Variants in PTPRF observed in about 807,000 individuals in gnomAD.
PTPRF encodes protein tyrosine phosphatase receptor type F, also known as receptor-type tyrosine-protein phosphatase F.
PTPRF carries 59 observed loss-of-function variants against 201.8 expected under a neutral mutation model. That is an observed-to-expected ratio of 0.29 (90% CI 0.24 to 0.36). The LOEUF (loss-of-function observed/expected upper bound fraction) is 0.36. Among genes scored for constraint, PTPRF ranks in the 10% least tolerant of loss-of-function variants. PTPRF has a pLI of 1.00. For missense variants in PTPRF, 2,132 were observed against 2,690.5 expected (o/e 0.79, Z 4.59); for synonymous variants, 1,088 against 1,089.7 (o/e 1.00, Z 0.03).
At chr1:43,571,257 G>A (rs1347191013) in intron 6 of PTPRF, among the ~76,000 whole-genome samples, 2 of 151,880 alleles carry the variant, frequency 1.3e-5, no homozygotes, top group East Asian at 1.9e-4. Context: ...TGTCTCTTGC[G>A]ACTTCCCTCT....
chr1:43,619,012 T>C (rs536832503), intron 26 of PTPRF, 36 bp from the exon 27 acceptor site: 3 of 1,601,630 alleles, frequency 1.9e-6, no homozygotes, highest in East Asian at 2.2e-5. Flanking sequence ...GCAGGTAGGC[T>C]CCTAGTCGCC....
intron 17 of PTPRF, 31 bp downstream of exon 17, chr1:43,605,031 GCACA>G (rs756298919): frequency 2.6e-5 from 42 of 1,603,452 alleles, no homozygotes; most frequent in Admixed American, 5.0e-5. Context: ...GCTGAGCCTG[GCACA>G]CACACAGGCC....
chr1:43,589,585 G>A (rs746509740), intron 8 of PTPRF, among the ~76,000 whole-genome samples: 1 of 151,842 alleles, frequency 6.6e-6, no homozygotes, highest in Non-Finnish European at 1.5e-5. Flanking sequence ...GGCCAGGCAC[G>A]GTGGCTCATT....
Position 43,620,549 on chromosome 1 carries a change from C to T in PTPRF, c.5334C>T (p.Ile1778=). 1.2e-6 allele frequency: 2 copies of T among 1,614,132 alleles called. No individual in the cohort carries two copies. Among genetic ancestry groups the T allele is most frequent in the Non-Finnish European group, 1.7e-6 (2 of 1,179,982 alleles). The part of the protein sequence containing the change: ...PMAEYNMPQY[I]LREFKVTDAR... ...CTGAGTACAACATGCCCCAGTATAT[C>T]CTGCGTGAGTTCAAGGTCACGGATG... Residue 1778 remains isoleucine (I), a synonymous_variant, in exon 31 of 34, where the codon ATC becomes ATT. Coordinates refer to ENST00000359947, the MANE Select transcript of PTPRF (RefSeq NM_002840.5).
chr1:43,535,732 C>T (rs969484477), intron 1 of PTPRF, among the ~76,000 whole-genome samples: 2 of 152,202 alleles, frequency 1.3e-5, no homozygotes, highest in Non-Finnish European at 2.9e-5. Context: ...GTGGACTTCA[C>T]CCCTTCTGAG....
chr1:43,605,750 C>G (rs1173053942), intron 19 of PTPRF, 128 bp downstream of exon 19: 1 of 886,550 alleles, frequency 1.1e-6, no homozygotes, highest in Non-Finnish European at 1.8e-6. Context: ...TTCTGGCTGG[C>G]AGCCCGCCCC....
At position 43,617,748 on chromosome 1, in the gene PTPRF, G is replaced by A; in HGVS notation, c.4208G>A (p.Ser1403Asn). 1 of 1,613,616 alleles carries A rather than the reference G, an allele frequency of 6.2e-7. No individual in the cohort carries two copies. Among genetic ancestry groups the A allele is most frequent in the South Asian group, 1.1e-5 (1 of 91,074 alleles). ...ILTSIDGVPG[S>N]DYINANYIDG... is the part of the protein sequence containing the mutation. ...TTCTTATCCATAGGCGTCCCCGGGAGTGACTACATCAATGCCAACTACATC... is the reference window on the plus strand; with the variant it reads ...TTCTTATCCATAGGCGTCCCCGGGAATGACTACATCAATGCCAACTACATC... The change falls in exon 25 of 34, where the codon AGT (serine) becomes AAT (asparagine). Residue 1403 changes from serine (S) to asparagine (N), a missense_variant. Ser to Asn is a conservative substitution (Grantham distance 46, BLOSUM62 1). This residue lies in a region of PTPRF where 818 missense variants were observed against 915.3 expected (regional missense o/e 0.89). Transcript: ENST00000359947.
intron 5 of PTPRF, among the ~76,000 whole-genome samples, chr1:43,558,360 C>T (rs1339880930): frequency 6.6e-6 from 1 of 152,134 alleles, no homozygotes; most frequent in Non-Finnish European, 1.5e-5. Flanking sequence ...GCTGTGGCTC[C>T]AGGGCCACTC....
In PTPRF at chr1:43,619,699, C is replaced by T. The variant is rs532554718; in HGVS notation, c.4952C>T (p.Ala1651Val). The change falls in exon 29 of 34, where the codon GCC becomes GTC. Residue 1651 changes from alanine (A) to valine (V), a missense_variant. Around this residue, in one of 6 missense-constraint regions of PTPRF, gnomAD observed 519 missense variants for 659.5 expected, o/e 0.79. Transcript: ENST00000359947. ...LEFKLLASSK[A>V]HTSRFISANL... ...CAATAGTTGCTGGCCAGCTCCAAGG[C>T]CCACACGTCCCGCTTCATCAGCGCC... 11 of 1,614,106 alleles carry T rather than the reference C, an allele frequency of 6.8e-6. No homozygotes were observed. The highest frequency in any genetic ancestry group is 1.7e-5 in the Admixed American group (1 of 60,026).
chr1:43,596,095 T>C (rs924362636), intron 11 of PTPRF, among the ~76,000 whole-genome samples: 3 of 151,952 alleles, frequency 2.0e-5, no homozygotes, highest in Non-Finnish European at 4.4e-5. Flanking sequence ...GACCTTGCGA[T>C]ATTGGTGAGA....
At chr1:43,562,103 G>C (rs1031839738) in intron 5 of PTPRF, among the ~76,000 whole-genome samples, 1 of 152,040 alleles carries the variant, frequency 6.6e-6, no homozygotes, top group East Asian at 1.9e-4. Flanking sequence ...GCTTGCTGGG[G>C]AGAGAGGACT....
intron 3 of PTPRF, among the ~76,000 whole-genome samples, chr1:43,551,696 G>C (rs1161642763): frequency 1.3e-5 from 2 of 152,092 alleles, no homozygotes; most frequent in Non-Finnish European, 2.9e-5. Context: ...TCTTAAATGG[G>C]GATAATAATA....
intron 22 of PTPRF, among the ~76,000 whole-genome samples, 185 bp downstream of exon 22, chr1:43,609,683 A>G (rs1433661382): frequency 2.0e-5 from 3 of 152,052 alleles, no homozygotes; most frequent in Non-Finnish European, 4.4e-5. Context: ...GGGAGCCCCC[A>G]TATCCTGCAG....
intron 7 of PTPRF, among the ~76,000 whole-genome samples, chr1:43,587,158 T>C (rs1649366876): frequency 6.6e-6 from 1 of 151,904 alleles, no homozygotes; most frequent in Non-Finnish European, 1.5e-5. Flanking sequence ...TTAGGTAGGG[T>C]CTCTTGGGCT....
intron 3 of PTPRF, among the ~76,000 whole-genome samples, chr1:43,550,321 C>T (rs1367687439): frequency 6.6e-6 from 1 of 152,164 alleles, no homozygotes; most frequent in Non-Finnish European, 1.5e-5. Flanking sequence ...CCGGCGTCTC[C>T]TCTCCGCTTC....
At chr1:43,615,116 G>A (rs892081407) in intron 23 of PTPRF, among the ~76,000 whole-genome samples, 1 of 152,168 alleles carries the variant, frequency 6.6e-6, no homozygotes, top group African/African-American at 2.4e-5. Flanking sequence ...GCATCCTAGG[G>A]CTCAAAGATT....
chr1:43,571,434 G>A (rs1367134051), intron 6 of PTPRF, among the ~76,000 whole-genome samples: 1 of 152,084 alleles, frequency 6.6e-6, no homozygotes, highest in Admixed American at 6.5e-5. Flanking sequence ...CCTCTTACCT[G>A]AGCTCTAGAT....
At chr1:43,583,807 C>T (rs1423384506) in intron 7 of PTPRF, among the ~76,000 whole-genome samples, 2 of 152,164 alleles carry the variant, frequency 1.3e-5, no homozygotes, top group African/African-American at 4.8e-5. Flanking sequence ...AATTAAGATC[C>T]TCCTACCTGC....
chr1:43,582,529 C>T (rs1430010169), intron 7 of PTPRF: 1 of 152,344 alleles, frequency 6.6e-6, no homozygotes, highest in African/African-American at 2.4e-5. Flanking sequence ...CCTGGCCTAC[C>T]TGTGCCAGGA....
Sources: allele counts gnomAD v4.1 joint callset (sites outside exome capture counted in the v4.1 genomes callset), GRCh38; gene constraint gnomAD v4.1.1; regional missense constraint gnomAD v4.1.1; transcripts MANE v1.5; gene names NCBI Gene and HGNC (gene_info 2026-07-23, HGNC 2026-07-21).